Variants in OSBP2 observed in about 807,000 individuals in gnomAD.
OSBP2 encodes oxysterol-binding protein 2.
A neutral mutation model predicts 96.0 loss-of-function variants in OSBP2; 66 were observed. The observed-to-expected ratio is 0.69, with a 90% CI of 0.56 to 0.84. The LOEUF (loss-of-function observed/expected upper bound fraction) is 0.84, where lower values mean the gene tolerates loss of function less well. Among genes scored for constraint, OSBP2 ranks in the 40% least tolerant of loss-of-function variants. The pLI is 0.00. For synonymous variants in OSBP2, 525 were observed against 520.9 expected, an observed-to-expected ratio of 1.01 and a Z score of -0.11; for missense variants, 1,038 against 1,222.7, an observed-to-expected ratio of 0.85 and a Z score of 2.25.
intron 2 of OSBP2, among the ~76,000 whole-genome samples, chr22:30,840,217 A>T (rs1254540950): frequency 6.6e-6 from 1 of 151,874 alleles, no homozygotes; most frequent in African/African-American, 2.4e-5. Flanking sequence ...AATAAAAAAA[A>T]AAAAGAAAGA....
At chr22:30,903,900 A>T (rs1353037643) in intron 12 of OSBP2, among the ~76,000 whole-genome samples, 3 of 152,204 alleles carry the variant, frequency 2.0e-5, no homozygotes, top group Non-Finnish European at 2.9e-5. Flanking sequence ...ATGAAATTGT[A>T]CTGTGCAGAG....
At chr22:30,840,697 G>C (rs2038734831) in intron 2 of OSBP2, among the ~76,000 whole-genome samples, 3 of 152,146 alleles carry the variant, frequency 2.0e-5, no homozygotes, top group East Asian at 3.9e-4. Flanking sequence ...CAAAGTAAAT[G>C]CTTAATAAAT....
chr22:30,902,515 A>G (rs2147192674), intron 12 of OSBP2: 3 of 1,513,970 alleles, frequency 2.0e-6, no homozygotes, highest in East Asian at 2.3e-5. Flanking sequence ...AGCTTCAGGG[A>G]TGACTTCTTA....
At chr22:30,904,811 G>C (rs2040292901) in intron 12 of OSBP2, among the ~76,000 whole-genome samples, 1 of 152,132 alleles carries the variant, frequency 6.6e-6, no homozygotes, top group Admixed American at 6.5e-5. Context: ...CTGACTCCAA[G>C]GCAATTATAC....
At position 30,893,626 on chromosome 22, in the gene OSBP2, C is replaced by T; in HGVS notation, c.2095-12C>T. On this transcript the variant is annotated splice_polypyrimidine_tract_variant and intron_variant, in intron 10 of 13. Transcript: ENST00000332585. Reference sequence around the variant, plus strand: ...CGGGGGCTGGCCGCTGACCACTGCCCTCCTTCGCCAGTCAGGGGACATCGA... The same window carrying T: ...CGGGGGCTGGCCGCTGACCACTGCCTTCCTTCGCCAGTCAGGGGACATCGA... 1 of 1,613,974 alleles carries T rather than the reference C, an allele frequency of 6.2e-7. No individual in the cohort carries two copies. The highest frequency in any genetic ancestry group is 8.5e-7 in the Non-Finnish European group (1 of 1,179,806).
chr22:30,716,317 C>T (rs536359409), intron 1 of OSBP2, among the ~76,000 whole-genome samples: 1 of 152,066 alleles, frequency 6.6e-6, no homozygotes. Context: ...GCTGGGACTA[C>T]AGGCATAAGC....
intron 2 of OSBP2, among the ~76,000 whole-genome samples, chr22:30,784,433 A>T (rs528327665): frequency 1.3e-4 from 20 of 151,712 alleles, no homozygotes; most frequent in Admixed American, 5.3e-4. Context: ...AAAAAAAAAA[A>T]ATTTTTTTAA....
chr22:30,898,918 C>A (rs2040126710), intron 12 of OSBP2, among the ~76,000 whole-genome samples: 1 of 149,254 alleles, frequency 6.7e-6, no homozygotes. Context: ...AAAACAAAGC[C>A]AAAAGTTGAT....
chr22:30,818,136 A>G (rs2091102916), intron 2 of OSBP2, among the ~76,000 whole-genome samples: 1 of 152,166 alleles, frequency 6.6e-6, no homozygotes, highest in African/African-American at 2.4e-5. Context: ...AGGCTCAAGC[A>G]ATCTGCTCAT....
At chr22:30,831,780 G>A (rs1347503687) in intron 2 of OSBP2, among the ~76,000 whole-genome samples, 2 of 152,038 alleles carry the variant, frequency 1.3e-5, no homozygotes, top group Non-Finnish European at 2.9e-5. Flanking sequence ...AGATGCAGAG[G>A]TCCCAATCCA....
At chr22:30,739,693 CG>C (rs1288123366) in intron 1 of OSBP2, among the ~76,000 whole-genome samples, 2 of 151,996 alleles carry the variant, frequency 1.3e-5, no homozygotes, top group Non-Finnish European at 2.9e-5. Context: ...GCTGCCTAGA[CG>C]GAGGCGATTC....
chr22:30,894,492 C>T (rs1602432458), intron 12 of OSBP2: 1 of 155,634 alleles, frequency 6.4e-6, no homozygotes, highest in African/African-American at 2.4e-5. Context: ...AGGGAGAAGA[C>T]AGAGTGAGGT....
chr22:30,863,962 G>GTT (rs66516841), intron 2 of OSBP2, among the ~76,000 whole-genome samples: 1 of 148,038 alleles, frequency 6.8e-6, no homozygotes, highest in Non-Finnish European at 1.5e-5. Context: ...AAGCCATCAT[G>GTT]TTTTTTTTTT....
At chr22:30,877,298 GTTTT>G (rs1174242388) in intron 3 of OSBP2, among the ~76,000 whole-genome samples, 1 of 152,156 alleles carries the variant, frequency 6.6e-6, no homozygotes, top group Non-Finnish European at 1.5e-5. Context: ...TTGAATTACT[GTTTT>G]GGGTAACTGT....
At chr22:30,738,670 C>T (rs2089890512) in intron 1 of OSBP2, among the ~76,000 whole-genome samples, 1 of 151,954 alleles carries the variant, frequency 6.6e-6, no homozygotes, top group African/African-American at 2.4e-5. Flanking sequence ...AAGTGATTCT[C>T]CTGCCTCAGC....
At chr22:30,864,417 C>T (rs2039286345) in intron 2 of OSBP2, among the ~76,000 whole-genome samples, 1 of 152,178 alleles carries the variant, frequency 6.6e-6, no homozygotes, top group African/African-American at 2.4e-5. Flanking sequence ...AGAAAGAAAT[C>T]CCGCAATGCG....
At chr22:30,889,417 G>A in intron 6 of OSBP2, 73 bp from the exon 7 acceptor site, 1 of 1,570,266 alleles carries the variant, frequency 6.4e-7, no homozygotes, top group Non-Finnish European at 8.8e-7. Context: ...TCAGGGTGGA[G>A]GGCAGAAACT....
chr22:30,787,253 T>C (rs1380462697), intron 2 of OSBP2, among the ~76,000 whole-genome samples: 4 of 152,102 alleles, frequency 2.6e-5, no homozygotes, highest in Non-Finnish European at 5.9e-5. Flanking sequence ...CTTACAGTCA[T>C]GGCGGAAGGG....
intron 1 of OSBP2, among the ~76,000 whole-genome samples, chr22:30,714,243 C>CT (rs1446920517): frequency 6.6e-6 from 1 of 152,110 alleles, no homozygotes; most frequent in African/African-American, 2.4e-5. Context: ...AGATTTCATT[C>CT]TTTTTTAATG....
Sources: gnomAD v4.1 joint callset for allele counts (sites outside exome capture counted in the v4.1 genomes callset) on GRCh38, gnomAD v4.1.1 for gene constraint, MANE v1.5 for transcripts, NCBI Gene and HGNC (gene_info 2026-07-23, HGNC 2026-07-21) for gene names.